BRIP1: variants seen among roughly 807,000 people sequenced by gnomAD.
The protein encoded by BRIP1 is Fanconi anemia group J protein.
A neutral mutation model predicts 119.7 loss-of-function variants in BRIP1; 88 were observed. That is an observed-to-expected ratio of 0.74 (90% confidence interval 0.62 to 0.88). BRIP1 has a LOEUF of 0.88. Among genes scored for constraint, BRIP1 ranks in the 40% least tolerant of loss-of-function variants. The pLI is 0.00. For missense variants in BRIP1, 1,259 were observed against 1,455.4 expected, an observed-to-expected ratio of 0.87 and a Z score of 2.20; for synonymous variants, 443 against 496.5, an observed-to-expected ratio of 0.89 and a Z score of 1.43.
At chr17:61,694,013 C>T (rs890046575) in intron 17 of BRIP1, among the ~76,000 whole-genome samples, 6 of 151,870 alleles carry the variant, frequency 4.0e-5, no homozygotes, top group African/African-American at 1.5e-4. Context: ...CCTTGCATTC[C>T]TAGTCATGGT....
Position 61,832,763 on chromosome 17 carries a change from A to T in BRIP1, c.627+14338T>A, listed in dbSNP as rs1430339241. ...ATTCTTTTGCTTTTATAAAAGCGTT[A>T]TTAAGACAACTGCTAAAATTTAAAC... On this transcript the variant is annotated intron_variant, in intron 6 of 19. Transcript: ENST00000259008. This position sits in a 1 kb window ranked among gnomAD's most constrained non-coding sequence, Gnocchi z 5.5. 1.3e-5 allele frequency among the ~76,000 whole-genome samples: 2 copies of T among 152,344 alleles called. No individual in the cohort carries two copies. The highest frequency in any genetic ancestry group is 1.9e-4 in the East Asian group (1 of 5,190).
intron 16 of BRIP1, among the ~76,000 whole-genome samples, chr17:61,731,608 C>T (rs908605574): frequency 3.9e-5 from 6 of 152,214 alleles, no homozygotes; most frequent in African/African-American, 7.2e-5. Flanking sequence ...ATGCTGTTCT[C>T]TCTGTTGAGA....
intron 6 of BRIP1, among the ~76,000 whole-genome samples, chr17:61,812,730 A>G (rs1301364953): frequency 6.6e-6 from 1 of 152,130 alleles, no homozygotes; most frequent in Non-Finnish European, 1.5e-5. Context: ...ATCAGCAACC[A>G]AGGATTTTCA....
intron 3 of BRIP1, among the ~76,000 whole-genome samples, chr17:61,859,246 C>T (rs201215042): frequency 1.4e-5 from 2 of 148,052 alleles, no homozygotes; most frequent in African/African-American, 2.5e-5. Flanking sequence ...TTTCCCCCCC[C>T]AAAAAAAGCA....
Position 61,849,272 on chromosome 17 carries a change from T to TA in BRIP1, c.380-17dup, listed in dbSNP as rs545021924. 6.2e-4 allele frequency: 994 copies of TA among 1,602,006 alleles called. 9 individuals carry two copies. In the Middle Eastern group the frequency reaches 6.8e-3, roughly 11 times the overall value. On this transcript the variant is annotated splice_polypyrimidine_tract_variant and intron_variant, in intron 4 of 19. Transcript: ENST00000259008. ...TCAGGGGAGTCTTATATAAGTAATTTAAAAAAAACAGCATAAATAACTTAC... is the reference window on the plus strand; with the variant it reads ...TCAGGGGAGTCTTATATAAGTAATTTAAAAAAAAACAGCATAAATAACTTAC...
rs1205061765 is a variant in BRIP1, at chr17:61,680,911, C to G, written c.*2385G>C. ...TCTCATGCTGCTAATAAAGTCATAC[C>G]CAAGACTGGGTAATTTATAAAGGAA... On this transcript the variant is annotated 3_prime_UTR_variant, in exon 20 of 20. Transcript: ENST00000259008. Among the ~76,000 whole-genome samples, 1 of 152,064 alleles carries G rather than the reference C, an allele frequency of 6.6e-6. No homozygotes were observed. The highest frequency in any genetic ancestry group is 1.9e-4 in the East Asian group (1 of 5,196).
At position 61,769,901 on chromosome 17, in the gene BRIP1, C is replaced by T. The variant is rs779003342; in HGVS notation, c.2097+6500G>A. Among the ~76,000 whole-genome samples, 23 of 152,202 alleles carry T rather than the reference C, an allele frequency of 1.5e-4. No individual in the cohort carries two copies. Among genetic ancestry groups the T allele is most frequent in the Non-Finnish European group, 2.9e-4 (20 of 68,034 alleles). On this transcript the variant is annotated intron_variant, in intron 14 of 19. Transcript: ENST00000259008. This position sits in a 1 kb window ranked among gnomAD's most constrained non-coding sequence, Gnocchi z 4.9. ...ATAAGTGAGAAACTCCTAGGGGCTGCAGTCTTGCCAGGGGGCCCACAATTT... is the reference window on the plus strand; with the variant it reads ...ATAAGTGAGAAACTCCTAGGGGCTGTAGTCTTGCCAGGGGGCCCACAATTT...
At chr17:61,817,060 A>T (rs1567844682) in intron 6 of BRIP1, among the ~76,000 whole-genome samples, 1 of 152,114 alleles carries the variant, frequency 6.6e-6, no homozygotes, top group Non-Finnish European at 1.5e-5. Context: ...TGGCAGTGAC[A>T]CTCTAACCAA....
At chr17:61,847,560 T>C (rs759221767) in intron 5 of BRIP1, among the ~76,000 whole-genome samples, 6 of 152,128 alleles carry the variant, frequency 3.9e-5, no homozygotes, top group African/African-American at 1.4e-4. Context: ...TTATATCTAA[T>C]TGGAAAATAA....
At chr17:61,797,155 A>G (rs1271007900) in intron 9 of BRIP1, among the ~76,000 whole-genome samples, 6 of 152,036 alleles carry the variant, frequency 3.9e-5, no homozygotes, top group African/African-American at 1.4e-4. Context: ...AGGCCTCACC[A>G]GTACTGAAGA....
At chr17:61,784,215 C>A (rs2145133446) in intron 11 of BRIP1, 55 bp downstream of exon 11, 2 of 1,514,158 alleles carry the variant, frequency 1.3e-6, no homozygotes, top group Non-Finnish European at 1.8e-6. Flanking sequence ...CACATGCTAG[C>A]ATCCAAATTA....
rs575913599 is a variant in BRIP1, at chr17:61,768,559, TATC to T, written c.2097+7839_2097+7841del. ...GCCTTTGCTACCTAAATTTCATAAA[TATC>T]ATTTCACTTCTATTAATATTTTCAT... On this transcript the variant is annotated intron_variant, in intron 14 of 19. Coordinates refer to ENST00000259008, the MANE Select transcript of BRIP1 (RefSeq NM_032043.3). The surrounding 1 kb of genome is among the most constrained non-coding windows in gnomAD (Gnocchi z 5.0). Among the ~76,000 whole-genome samples the T allele has an allele frequency of 3.9e-5, 6 of 152,298 alleles. No homozygotes were observed. The East Asian group carries it at 1.2e-3, about 29-fold the overall frequency.
rs140097800 is a variant in BRIP1 at position 61,808,756 on chromosome 17, G to A, written c.629C>T (p.Pro210Leu). Residue 210 changes from proline to leucine, a missense_variant and splice_region_variant, in exon 7 of 20, where the codon CCC (proline) becomes CTC (leucine). Around this residue, in one of 3 missense-constraint regions of BRIP1, gnomAD observed 501 missense variants for 544.0 expected, o/e 0.92. Transcript: ENST00000259008. This position sits in a 1 kb window ranked among gnomAD's most constrained non-coding sequence, Gnocchi z 4.1. ...EKINSFSPQK[P>L]PGHCSRCCCS... ...ACAGCACCTAGAACAGTGGCCAGGG[G>A]GCTGTAAGAAAGGAAAGAAACGATA... 12 of 1,611,958 alleles carry A rather than the reference G, an allele frequency of 7.4e-6. No homozygotes were observed. The African/African-American group carries it at 1.5e-4, about 20-fold the overall frequency.
Position 61,849,241 on chromosome 17 carries a change from G to T in BRIP1, c.395C>A (p.Thr132Asn), listed in dbSNP as rs753965650. 1.2e-6 allele frequency: 2 copies of T among 1,612,750 alleles called. No homozygotes were observed. The highest frequency in any genetic ancestry group is 1.7e-6 in the Non-Finnish European group (2 of 1,179,176). The part of the protein sequence containing the change: ...SSTCQDSPEK[T>N]TLAAKLSAKK... ...AGCAGATAACTTTGCAGCCAGAGTG[G>T]TTTTTTCAGGGGAGTCTTATATAAG... is the stretch of plus-strand genomic sequence containing the variant. Residue 132 changes from threonine to asparagine, a missense_variant, in exon 5 of 20, where the codon ACC (threonine) becomes AAC (asparagine). Coordinates refer to ENST00000259008, the MANE Select transcript of BRIP1 (RefSeq NM_032043.3).
rs55963888 is a variant in BRIP1 at position 61,697,336 on chromosome 17, CAAAAAAAAAAAAAAAAA to C, written c.2493-3841_2493-3825del. 8.6e-4 allele frequency among the ~76,000 whole-genome samples: 51 copies of C among 59,174 alleles called. 1 individual carries two copies. The highest frequency in any genetic ancestry group is 2.4e-3 in the African/African-American group (34 of 14,380). The allele number at this position is 59,174 out of a possible 152,430, so 38.8% of individuals were successfully genotyped here. A position where few individuals can be genotyped will look rare whatever the true frequency, so the allele number is the denominator to read the frequency against. On this transcript the variant is annotated intron_variant, in intron 17 of 19. Transcript: ENST00000259008. The stretch of plus-strand genomic sequence containing the variant: ...CAGGCAACAGTGTGAGACTCTGTCT[CAAAAAAAAAAAAAAAAA>C]AAAAAAAAAAAAAAAAAAGATATTC...
At chr17:61,711,118 T>TG (rs1400911233) in intron 17 of BRIP1, among the ~76,000 whole-genome samples, 7 of 150,528 alleles carry the variant, frequency 4.7e-5, no homozygotes. Context: ...AGTAGCAACA[T>TG]GCATTGCTAC....
chr17:61,780,767 A>G lies in BRIP1; in HGVS notation c.1794+73T>C. On this transcript the variant is annotated intron_variant, in intron 12 of 19. Coordinates refer to ENST00000259008, the MANE Select transcript of BRIP1 (RefSeq NM_032043.3). This position sits in a 1 kb window ranked among gnomAD's most constrained non-coding sequence, Gnocchi z 5.4. ...ACAACAACAAACAACTATCTTTAAA[A>G]GAGTCAACCACATTTATTAAAATGC... 1.3e-6 allele frequency: 2 copies of G among 1,493,766 alleles called. No homozygotes were observed. The highest frequency in any genetic ancestry group is 1.1e-5 in the South Asian group (1 of 88,202). The allele number at this position is 1,493,766 out of a possible 1,614,324, so 92.5% of individuals were successfully genotyped here.
At chr17:61,863,044 A>T (rs1379078889) in intron 1 of BRIP1, among the ~76,000 whole-genome samples, 1 of 152,114 alleles carries the variant, frequency 6.6e-6, no homozygotes, top group Non-Finnish European at 1.5e-5. Context: ...CAAACATTGC[A>T]TAAAGGATAA....
At position 61,717,447 on chromosome 17, in the gene BRIP1, T is replaced by C. The variant is rs1339399675; in HGVS notation, c.2380-1384A>G. On this transcript the variant is annotated intron_variant, in intron 16 of 19. Transcript: ENST00000259008. The surrounding 1 kb of genome is among the most constrained non-coding windows in gnomAD (Gnocchi z 4.1). ...GCTAGCAATGAGTTCTTTCAACTTT[T>C]CTTTTTCTGAAAAGACTTCACTATC... Among the ~76,000 whole-genome samples the C allele has an allele frequency of 6.6e-6, 1 of 152,132 alleles. No individual in the cohort carries two copies. The highest frequency in any genetic ancestry group is 1.5e-5 in the Non-Finnish European group (1 of 67,992).
Sources: gnomAD v4.1 joint callset for allele counts (sites outside exome capture counted in the v4.1 genomes callset) on GRCh38, gnomAD v4.1.1 for gene constraint, gnomAD v4.1.1 regional missense constraint, Gnocchi (gnomAD v3.1) non-coding constraint, MANE v1.5 for transcripts, NCBI Gene and HGNC (gene_info 2026-07-23, HGNC 2026-07-21) for gene names.